DGLUCY: variants seen among roughly 807,000 people sequenced by gnomAD.
DGLUCY encodes the protein D-glutamate cyclase, mitochondrial.
A neutral mutation model predicts 58.5 loss-of-function variants in DGLUCY; 58 were observed. The ratio of observed to expected loss-of-function variants is 0.99; its 90% CI spans 0.80 to 1.23. DGLUCY has a LOEUF of 1.23. Among genes scored for constraint, DGLUCY ranks in the 50% most tolerant of loss-of-function variants. The pLI, the probability that DGLUCY is intolerant of heterozygous loss-of-function variation, is 0.00. For synonymous variants in DGLUCY, 325 were observed against 314.1 expected, an observed-to-expected ratio of 1.03 and a Z score of -0.37; for missense variants, 779 against 784.7, an observed-to-expected ratio of 0.99 and a Z score of 0.09.
chr14:91,062,559 ATATATATATATATATAT>A (rs1367068447), intron 1 of DGLUCY, among the ~76,000 whole-genome samples: 10 of 18,600 alleles, frequency 5.4e-4, no homozygotes, highest in African/African-American at 1.0e-3. Context: ...AAAAAAAAAA[ATATATATATATATATAT>A]ATATATATAT....
At chr14:91,145,968 T>C (rs2046993016) in intron 1 of DGLUCY, among the ~76,000 whole-genome samples, 1 of 152,138 alleles carries the variant, frequency 6.6e-6, no homozygotes, top group South Asian at 2.1e-4. Context: ...AGCCTTGACC[T>C]CTGAGGCTGA....
At chr14:91,172,726 A>G (rs1487383445) in intron 5 of DGLUCY, among the ~76,000 whole-genome samples, 3 of 151,464 alleles carry the variant, frequency 2.0e-5, no homozygotes, top group Non-Finnish European at 4.4e-5. Context: ...GGCTCACTGC[A>G]ATCTCCGCCT....
chr14:91,205,083 A>G (rs921312718), intron 12 of DGLUCY, among the ~76,000 whole-genome samples: 1 of 152,264 alleles, frequency 6.6e-6, no homozygotes, highest in Admixed American at 6.5e-5. Flanking sequence ...TAGGACTGGG[A>G]GATAGAGAAT....
rs767469352 is a variant in DGLUCY at position 91,176,070 on chromosome 14, T to C, written c.730+14T>C. The stretch of plus-strand genomic sequence containing the variant: ...TCAGCAGCTGTGGTACGTTGGGGGA[T>C]AATGGGACAATCGATCTGCCCTAGG... On this transcript the variant is annotated intron_variant, in intron 7 of 13. Coordinates refer to ENST00000256324, the MANE Select transcript of DGLUCY (RefSeq NM_001102368.3). 23 of 1,613,358 alleles carry C rather than the reference T, an allele frequency of 1.4e-5. No homozygotes were observed. Among genetic ancestry groups the C allele is most frequent in the Middle Eastern group, 3.3e-4 (2 of 6,084 alleles).
chr14:91,143,262 A>AT (rs2046832767), intron 1 of DGLUCY, among the ~76,000 whole-genome samples: 1 of 151,302 alleles, frequency 6.6e-6, no homozygotes, highest in African/African-American at 2.4e-5. Context: ...CGCCCGGCTA[A>AT]TTTTTTGTAT....
Position 91,160,482 on chromosome 14 carries a change from C to G in DGLUCY, c.103+85C>G, listed in dbSNP as rs2047920927. 5 of 918,016 alleles carry G rather than the reference C, an allele frequency of 5.4e-6. No homozygotes were observed. The South Asian group carries it at 8.0e-5, about 15-fold the overall frequency. The allele number at this position is 918,016 out of a possible 1,614,324, so 56.9% of individuals were successfully genotyped here. On this transcript the variant is annotated intron_variant, in intron 3 of 13. Transcript: ENST00000256324. The stretch of plus-strand genomic sequence containing the variant: ...TTACCAGCTGTGTAGGGCCCACAAA[C>G]TCCTAAGACTTCTAGATTCTGCATA...
intron 1 of DGLUCY, among the ~76,000 whole-genome samples, chr14:91,070,322 G>A (rs1191255694): frequency 6.6e-6 from 1 of 152,148 alleles, no homozygotes; most frequent in Admixed American, 6.6e-5. Context: ...GGCTTTGCTG[G>A]GGGCCTTGGC....
At chr14:91,184,165 G>T (rs547150936) in intron 8 of DGLUCY, among the ~76,000 whole-genome samples, 1 of 152,202 alleles carries the variant, frequency 6.6e-6, no homozygotes, top group East Asian at 1.9e-4. Flanking sequence ...GGCCCAGACA[G>T]GACTGATTCC....
At chr14:91,076,611 T>C (rs1566931662) in intron 1 of DGLUCY, among the ~76,000 whole-genome samples, 1 of 152,110 alleles carries the variant, frequency 6.6e-6, no homozygotes, top group East Asian at 1.9e-4. Context: ...GGGCAAGTGC[T>C]CAAAGCTACT....
At position 91,173,393 on chromosome 14, in the gene DGLUCY, C is replaced by T; in HGVS notation, c.561C>T (p.Cys187=). 3 of 1,612,380 alleles carry T rather than the reference C, an allele frequency of 1.9e-6. No individual in the cohort carries two copies. Among genetic ancestry groups the T allele is most frequent in the Non-Finnish European group, 2.5e-6 (3 of 1,179,590 alleles). ...DKLEGLVRAC[C]SLGGEQGQPV... Reference sequence around the variant, plus strand: ...TGGAAGGGCTGGTGCGGGCCTGCTGCTCCCTCGGAGGTGAGCAGGGGCAAC... The same window carrying T: ...TGGAAGGGCTGGTGCGGGCCTGCTGTTCCCTCGGAGGTGAGCAGGGGCAAC... The change falls in exon 6 of 14, where the codon TGC becomes TGT. Residue 187 remains cysteine, a synonymous_variant. Transcript: ENST00000256324.
At chr14:91,198,058 T>A (rs2050324544) in intron 10 of DGLUCY, among the ~76,000 whole-genome samples, 1 of 152,246 alleles carries the variant, frequency 6.6e-6, no homozygotes, top group African/African-American at 2.4e-5. Context: ...TATTCTTTTT[T>A]TTGAGACAGA....
chr14:91,222,784 AAAAACAACT>A (rs1286499704), intron 13 of DGLUCY, among the ~76,000 whole-genome samples: 2 of 152,168 alleles, frequency 1.3e-5, no homozygotes, highest in Admixed American at 6.5e-5. Context: ...TGCTATTTTA[AAAAACAACT>A]ATAGACTAGG....
chr14:91,147,539 G>A (rs897444448), intron 1 of DGLUCY, among the ~76,000 whole-genome samples: 1 of 152,176 alleles, frequency 6.6e-6, no homozygotes, highest in Non-Finnish European at 1.5e-5. Flanking sequence ...CTGCAAGGCT[G>A]TTGATAGATG....
chr14:91,218,249 A>G (rs1364975489), intron 13 of DGLUCY, among the ~76,000 whole-genome samples: 1 of 152,166 alleles, frequency 6.6e-6, no homozygotes, highest in Non-Finnish European at 1.5e-5. Context: ...TGCTTCACAC[A>G]TGATTCCTGA....
At chr14:91,179,886 CTTTTT>C (rs35580984) in intron 7 of DGLUCY, among the ~76,000 whole-genome samples, 1 of 75,984 alleles carries the variant, frequency 1.3e-5, no homozygotes, top group Admixed American at 1.9e-4. Context: ...ATGCTAAACA[CTTTTT>C]TTTTTTTTTT....
At chr14:91,210,631 C>A (rs1885531907) in intron 12 of DGLUCY, among the ~76,000 whole-genome samples, 1 of 152,078 alleles carries the variant, frequency 6.6e-6, no homozygotes, top group Non-Finnish European at 1.5e-5. Context: ...ATGTTCATGT[C>A]AATAGATACA....
chr14:91,085,769 A>G (rs538656640), intron 1 of DGLUCY, among the ~76,000 whole-genome samples: 1 of 152,054 alleles, frequency 6.6e-6, no homozygotes, highest in African/African-American at 2.4e-5. Flanking sequence ...GGGTTTCACC[A>G]TGTTGCCCAG....
intron 8 of DGLUCY, among the ~76,000 whole-genome samples, chr14:91,187,340 C>G (rs1186417068): frequency 6.6e-6 from 1 of 152,198 alleles, no homozygotes; most frequent in Non-Finnish European, 1.5e-5. Flanking sequence ...CAACTATAAG[C>G]CAGCGTCCTC....
At chr14:91,210,814 A>G (rs1266401624) in intron 12 of DGLUCY, among the ~76,000 whole-genome samples, 1 of 152,232 alleles carries the variant, frequency 6.6e-6, no homozygotes, top group Non-Finnish European at 1.5e-5. Flanking sequence ...AAAGGCAATG[A>G]TGTTCCCTCT....
Sources: allele counts gnomAD v4.1 joint callset (sites outside exome capture counted in the v4.1 genomes callset), GRCh38; gene constraint gnomAD v4.1.1; transcripts MANE v1.5; gene names NCBI Gene and HGNC (gene_info 2026-07-23, HGNC 2026-07-21).